The following TAOK2 variants were observed in gnomAD, a reference collection of about 807,000 sequenced individuals.
TAOK2 encodes serine/threonine-protein kinase TAO2.
Under a neutral mutation model 122.5 loss-of-function variants are expected in TAOK2, and 42 were observed. The observed-to-expected ratio is 0.34, with a 90% CI of 0.27 to 0.44. TAOK2 has a LOEUF of 0.44. Ranked by LOEUF, TAOK2 falls within the 20% of genes least tolerant of loss-of-function variation. The pLI is 1.00. For synonymous variants in TAOK2, 704 were observed against 677.6 expected, an observed-to-expected ratio of 1.04 and a Z score of -0.61; for missense variants, 1,264 against 1,644.9, an observed-to-expected ratio of 0.77 and a Z score of 4.01.
At position 29,983,677 on chromosome 16, in the gene TAOK2, A is replaced by G. The variant is rs2069692399; in HGVS notation, c.1422+13A>G. On this transcript the variant is annotated intron_variant, in intron 13 of 15. Transcript: ENST00000308893. ...AACCGCCTCCCTGGTGAGTGTAGCC[A>G]TCCTCACTCAGCCTGCTCGCTGTCT... The G allele has an allele frequency of 3.7e-6, 6 of 1,601,164 alleles. No homozygotes were observed. The highest frequency in any genetic ancestry group is 4.3e-6 in the Non-Finnish European group (5 of 1,172,892).
chr16:29,987,223 G>A lies in TAOK2; in HGVS notation c.2951G>A (p.Gly984Asp). ...TTGCTGGCAGCCCAGGGTGGGGGTG[G>A]CCTGCAGGCAGCGCTGCTGGCCCTT... ...LPLLAAQGGG[G>D]LQAALLALEV... Residue 984 changes from glycine to aspartate, a missense_variant, in exon 16 of 16, where the codon GGC becomes GAC. Transcript: ENST00000308893. 1 of 1,543,070 alleles carries A rather than the reference G, an allele frequency of 6.5e-7. No homozygotes were observed. Among genetic ancestry groups the A allele is most frequent in the Non-Finnish European group, 8.7e-7 (1 of 1,151,134 alleles).
At chr16:29,991,056 G>T (rs761754157), downstream of TAOK2, 1 of 1,574,534 alleles carries the variant, frequency 6.4e-7, no homozygotes, top group East Asian at 2.2e-5. The surrounding 1 kb of genome is among the most constrained non-coding windows in gnomAD (Gnocchi z 5.6). Context: ...GGTGGAAGAG[G>T]AGCTGCTGGC....
chr16:29,979,599 G>A lies in TAOK2; in HGVS notation c.655+91G>A. On this transcript the variant is annotated intron_variant, in intron 8 of 15. Coordinates refer to ENST00000308893, the MANE Select transcript of TAOK2 (RefSeq NM_016151.4). This position sits in a 1 kb window ranked among gnomAD's most constrained non-coding sequence, Gnocchi z 4.1. ...GACTACCCCCTTCTCCTAGGGATGG[G>A]ATCCCAGGCCTCCAAGTTCCTGTCC... is the stretch of plus-strand genomic sequence containing the variant. 1 of 1,077,484 alleles carries A rather than the reference G, an allele frequency of 9.3e-7. No individual in the cohort carries two copies. Among genetic ancestry groups the A allele is most frequent in the Non-Finnish European group, 1.3e-6 (1 of 771,636 alleles). The allele number at this position is 1,077,484 out of a possible 1,614,324, so 66.7% of individuals were successfully genotyped here. A position where few individuals can be genotyped will look rare whatever the true frequency, so the allele number is the denominator to read the frequency against.
At chr16:29,991,074 A>T (rs1178224056), downstream of TAOK2, 1 of 1,581,370 alleles carries the variant, frequency 6.3e-7, no homozygotes, top group Non-Finnish European at 8.6e-7. The surrounding 1 kb of genome is among the most constrained non-coding windows in gnomAD (Gnocchi z 5.6). Flanking sequence ...GGCCCTGCAG[A>T]CAGGACGCTC....
chr16:29,980,696 A>T (rs2069586349), intron 8 of TAOK2: 2 of 152,226 alleles, frequency 1.3e-5, no homozygotes, highest in Admixed American at 1.3e-4. Flanking sequence ...TGAAAAATGT[A>T]AGAAACGGAC....
chr16:29,981,461 G>A (rs2069612269), intron 8 of TAOK2, 200 bp from the exon 9 acceptor site: 16 of 646,226 alleles, frequency 2.5e-5, no homozygotes, highest in East Asian at 1.1e-4. Context: ...TATTCCACCC[G>A]TGTGCAGTGG....
intron 4 of TAOK2, 91 bp downstream of exon 4, chr16:29,978,444 G>A (rs1319320214): frequency 1.5e-5 from 20 of 1,371,554 alleles, no homozygotes; most frequent in Non-Finnish European, 6.2e-6. Context: ...CCTGTTCGTG[G>A]TGCTGTTGTG....
At chr16:29,991,007 C>G (rs766238647), downstream of TAOK2, 2 of 1,587,684 alleles carry the variant, frequency 1.3e-6, no homozygotes, top group Admixed American at 1.7e-5. This position sits in a 1 kb window ranked among gnomAD's most constrained non-coding sequence, Gnocchi z 5.6. Flanking sequence ...GGAGGGTGGG[C>G]TCCTGCCCCC....
At chr16:29,982,474 T>C (rs891096673) in intron 10 of TAOK2, among the ~76,000 whole-genome samples, 1 of 152,226 alleles carries the variant, frequency 6.6e-6, no homozygotes, top group East Asian at 1.9e-4. Context: ...CATAGCCCTT[T>C]AGTAGAGGAG....
At chr16:29,988,980 TCCTCTGCGGCCCAAAATG>T, downstream of TAOK2, 3 of 985,292 alleles carry the variant, frequency 3.0e-6, no homozygotes, top group Non-Finnish European at 3.6e-6. Context: ...TGCCCCTTTC[TCCTCTGCGGCCCAAAATG>T]GGGCAGCCCC....
chr16:29,988,258 A>G lies in TAOK2; in HGVS notation c.*278A>G. 6.8e-7 allele frequency: 1 copy of G among 1,464,762 alleles called. No homozygotes were observed. The highest frequency in any genetic ancestry group is 9.0e-7 in the Non-Finnish European group (1 of 1,112,580). The allele number at this position is 1,464,762 out of a possible 1,614,324, so 90.7% of individuals were successfully genotyped here. On this transcript the variant is annotated 3_prime_UTR_variant, in exon 16 of 16. Transcript: ENST00000308893. Reference sequence around the variant, plus strand: ...CCCTCATTGACTCAGGCCTGGGGCCAGGGGTGGTGGAGGGTGGGAAGAGTC... The same window carrying G: ...CCCTCATTGACTCAGGCCTGGGGCCGGGGGTGGTGGAGGGTGGGAAGAGTC...
chr16:29,986,589 C>T lies in TAOK2; in HGVS notation c.2317C>T (p.Gln773Ter). Reference sequence around the variant, plus strand: ...ACCCAACACAGGCACCCCTATAGAACAGCAGCCCTGCTCACCTGGCCAGGA... The same window carrying T: ...ACCCAACACAGGCACCCCTATAGAATAGCAGCCCTGCTCACCTGGCCAGGA... The part of the protein sequence containing the change: ...GPPNTGTPIE[Q>*]QPCSPGQEAV... Residue 773 changes from glutamine (Q) to a stop codon, truncating the protein, a stop_gained, in exon 16 of 16, where the codon CAG becomes TAG. Transcript: ENST00000308893. LOFTEE classifies it high-confidence loss of function. The surrounding 1 kb of genome is among the most constrained non-coding windows in gnomAD (Gnocchi z 4.2). The T allele has an allele frequency of 6.2e-7, 1 of 1,613,668 alleles. No homozygotes were observed. Among genetic ancestry groups the T allele is most frequent in the South Asian group, 1.1e-5 (1 of 90,990 alleles).
In TAOK2 at chr16:29,979,264, G is replaced by A. The variant is rs201648224; in HGVS notation, c.519G>A (p.Ala173=). 3.3e-5 allele frequency: 53 copies of A among 1,614,190 alleles called. No individual in the cohort carries two copies. The Admixed American group carries it at 4.0e-4, about 12-fold the overall frequency. The change falls in exon 7 of 16, where the codon GCG becomes GCA. Residue 173 remains alanine, a synonymous_variant. Transcript: ENST00000308893. The surrounding 1 kb of genome is among the most constrained non-coding windows in gnomAD (Gnocchi z 4.1). ...GLVKLGDFGS[A]SIMAPANSFV... Reference sequence around the variant, plus strand: ...TGAAGCTAGGGGACTTTGGTTCTGCGTCCATCATGGCACCTGCCAACTCCT... The same window carrying A: ...TGAAGCTAGGGGACTTTGGTTCTGCATCCATCATGGCACCTGCCAACTCCT...
At chr16:29,988,620 C>G, downstream of TAOK2, 1 of 985,464 alleles carries the variant, frequency 1.0e-6, no homozygotes, top group South Asian at 4.7e-5. Context: ...CACCGAACTT[C>G]TTGGTCCCAC....
At chr16:29,991,124 G>C, downstream of TAOK2, 1 of 1,607,436 alleles carries the variant, frequency 6.2e-7, no homozygotes, top group Non-Finnish European at 8.5e-7. This position sits in a 1 kb window ranked among gnomAD's most constrained non-coding sequence, Gnocchi z 5.6. Flanking sequence ...AGGCCCGTGA[G>C]ATCGAGGCCT....
rs1211096367 is a variant in TAOK2, at chr16:29,979,591, A to G, written c.655+83A>G. The G allele has an allele frequency of 2.6e-6, 3 of 1,150,310 alleles. No individual in the cohort carries two copies. Among genetic ancestry groups the G allele is most frequent in the African/African-American group, 1.6e-5 (1 of 63,606 alleles). The allele number at this position is 1,150,310 out of a possible 1,614,324, so 71.3% of individuals were successfully genotyped here. A position where few individuals can be genotyped will look rare whatever the true frequency, so the allele number is the denominator to read the frequency against. ...AGACTCCGGACTACCCCCTTCTCCTAGGGATGGGATCCCAGGCCTCCAAGT... is the reference window on the plus strand; with the variant it reads ...AGACTCCGGACTACCCCCTTCTCCTGGGGATGGGATCCCAGGCCTCCAAGT... On this transcript the variant is annotated intron_variant, in intron 8 of 15. Coordinates refer to ENST00000308893, the MANE Select transcript of TAOK2 (RefSeq NM_016151.4). This position sits in a 1 kb window ranked among gnomAD's most constrained non-coding sequence, Gnocchi z 4.1.
intron 8 of TAOK2, 103 bp from the exon 9 acceptor site, chr16:29,981,558 A>G (rs752616603): frequency 3.0e-6 from 3 of 988,878 alleles, no homozygotes; most frequent in Non-Finnish European, 4.8e-6. Context: ...TGTGGCAAGG[A>G]AGTCAAGGAA....
At position 29,974,420 on chromosome 16, in the gene TAOK2, G is replaced by A. The variant is rs2069390018; in HGVS notation, c.-264G>A. 6.6e-6 allele frequency: 1 copy of A among 152,576 alleles called. No homozygotes were observed. Among genetic ancestry groups the A allele is most frequent in the Admixed American group, 6.5e-5 (1 of 15,280 alleles). 9.5% of individuals were successfully genotyped at this position (152,576 alleles called of 1,614,324 possible). A position where few individuals can be genotyped will look rare whatever the true frequency, so the allele number is the denominator to read the frequency against. On this transcript the variant is annotated 5_prime_UTR_variant, in exon 1 of 16. Coordinates refer to ENST00000308893, the MANE Select transcript of TAOK2 (RefSeq NM_016151.4). The stretch of plus-strand genomic sequence containing the variant: ...CCCCACAATCAGAAATCCGGAATTC[G>A]GCAGCTGTCGCCCTCGACGAGGGGG...
chr16:29,987,299 C>T lies in TAOK2; in HGVS notation c.3027C>T (p.Ala1009=). 7 of 1,527,572 alleles carry T rather than the reference C, an allele frequency of 4.6e-6. No individual in the cohort carries two copies. Among genetic ancestry groups the T allele is most frequent in the Non-Finnish European group, 6.1e-6 (7 of 1,140,470 alleles). The allele number at this position is 1,527,572 out of a possible 1,614,324, so 94.6% of individuals were successfully genotyped here. A position where few individuals can be genotyped will look rare whatever the true frequency, so the allele number is the denominator to read the frequency against. The change falls in exon 16 of 16, where the codon GCC becomes GCT. Residue 1009 remains alanine (A), a synonymous_variant. Coordinates refer to ENST00000308893, the MANE Select transcript of TAOK2 (RefSeq NM_016151.4). Reference sequence around the variant, plus strand: ...CCTCCTACCTGCTCCTTTGTACAGCCCTGCACCTGCCCTCCAGTCTTTTCC... The same window carrying T: ...CCTCCTACCTGCTCCTTTGTACAGCTCTGCACCTGCCCTCCAGTCTTTTCC... ...LGASYLLLCT[A]LHLPSSLFLL...
Sources: allele counts gnomAD v4.1 joint callset (sites outside exome capture counted in the v4.1 genomes callset), GRCh38; gene constraint gnomAD v4.1.1; non-coding constraint Gnocchi (gnomAD v3.1); transcripts MANE v1.5; gene names NCBI Gene and HGNC (gene_info 2026-07-23, HGNC 2026-07-21).